TIGAR: variants seen among roughly 807,000 people sequenced by gnomAD.
The protein encoded by TIGAR is TP53 induced glycolysis regulatory phosphatase, also known as fructose-2,6-bisphosphatase TIGAR.
In TIGAR, 7 loss-of-function variants were observed where a neutral mutation model predicts 17.9. That is an observed-to-expected ratio of 0.39 (90% CI 0.22 to 0.73). The LOEUF (loss-of-function observed/expected upper bound fraction) is 0.73, where lower values mean the gene tolerates loss of function less well. Among genes scored for constraint, TIGAR ranks in the 30% least tolerant of loss-of-function variants. The probability of loss-of-function intolerance (pLI) is 0.42; values close to 1 mark genes in which losing one functional copy is unlikely to be tolerated. For missense variants in TIGAR, 258 were observed against 327.4 expected (o/e 0.79, Z 1.64); for synonymous variants, 94 against 108.6 (o/e 0.87, Z 0.84).
At chr12:4,327,268 G>C (rs1864555122) in intron 1 of TIGAR, among the ~76,000 whole-genome samples, 1 of 152,108 alleles carries the variant, frequency 6.6e-6, no homozygotes, top group African/African-American at 2.4e-5. Flanking sequence ...AATTAGCTGA[G>C]CGTGGTGGCG....
At chr12:4,334,022 T>G (rs1728420368) in intron 2 of TIGAR, among the ~76,000 whole-genome samples, 1 of 152,194 alleles carries the variant, frequency 6.6e-6, no homozygotes, top group South Asian at 2.1e-4. Flanking sequence ...TTTTTTAATC[T>G]TACCTGCTTT....
intron 1 of TIGAR, among the ~76,000 whole-genome samples, chr12:4,329,391 T>G (rs1346509896): frequency 7.5e-6 from 1 of 134,000 alleles, no homozygotes; most frequent in Non-Finnish European, 1.5e-5. Context: ...CATACTGGAG[T>G]GCAGTGGTGT....
At chr12:4,342,916 G>A (rs1031599621) in intron 3 of TIGAR, among the ~76,000 whole-genome samples, 1 of 152,230 alleles carries the variant, frequency 6.6e-6, no homozygotes, top group East Asian at 1.9e-4. Context: ...TGGGCTAAAT[G>A]TTCCAATTAA....
At chr12:4,334,382 C>G (rs1268098674) in intron 2 of TIGAR, among the ~76,000 whole-genome samples, 1 of 152,188 alleles carries the variant, frequency 6.6e-6, no homozygotes, top group African/African-American at 2.4e-5. Context: ...GGGCTCCACC[C>G]TAGGATCTAA....
rs377039834 is a variant in TIGAR at position 4,336,683 on chromosome 12, G to A, written c.71-356G>A. Among the ~76,000 whole-genome samples, 54 of 152,164 alleles carry A rather than the reference G, an allele frequency of 3.5e-4. No individual in the cohort carries two copies. In the South Asian group the frequency reaches 4.1e-3, roughly 12 times the overall value. On this transcript the variant is annotated intron_variant, in intron 2 of 5. Transcript: ENST00000179259. ...CATTTGGATGATGGGAATAAAGAAG[G>A]AAAAAACTTTTAGATGATGGTCCTA... is the stretch of plus-strand genomic sequence containing the variant.
intron 3 of TIGAR, among the ~76,000 whole-genome samples, chr12:4,343,931 G>C (rs1341483827): frequency 6.6e-6 from 1 of 152,136 alleles, no homozygotes; most frequent in Non-Finnish European, 1.5e-5. Context: ...AAAAATCAAT[G>C]AATCCAGGAG....
At chr12:4,335,763 A>G (rs1214772361) in intron 2 of TIGAR, 1 of 152,252 alleles carries the variant, frequency 6.6e-6, no homozygotes, top group Non-Finnish European at 1.5e-5. Context: ...GAACTCTAAT[A>G]TATCTGAGCT....
chr12:4,328,690 C>T (rs1864572398), intron 1 of TIGAR, among the ~76,000 whole-genome samples: 1 of 151,752 alleles, frequency 6.6e-6, no homozygotes, highest in Admixed American at 6.6e-5. Flanking sequence ...GATTCTTCTG[C>T]CTCAGCCTCC....
chr12:4,338,116 A>T (rs1198582450), intron 3 of TIGAR, among the ~76,000 whole-genome samples: 1 of 148,294 alleles, frequency 6.7e-6, no homozygotes, highest in African/African-American at 2.5e-5. Flanking sequence ...ACAGAGCAAG[A>T]CTCTTGTCTC....
At chr12:4,340,228 A>G (rs1416469685) in intron 3 of TIGAR, among the ~76,000 whole-genome samples, 1 of 152,264 alleles carries the variant, frequency 6.6e-6, no homozygotes, top group Non-Finnish European at 1.5e-5. Flanking sequence ...GATGCAAAGC[A>G]AGATACAAAA....
At chr12:4,348,929 C>G (rs1228056449) in intron 3 of TIGAR, among the ~76,000 whole-genome samples, 7 of 152,104 alleles carry the variant, frequency 4.6e-5, no homozygotes, top group Non-Finnish European at 8.8e-5. Flanking sequence ...TTTAAAATAA[C>G]TATATTTTTG....
intron 1 of TIGAR, chr12:4,324,389 AG>A: frequency 2.6e-6 from 3 of 1,160,446 alleles, no homozygotes; most frequent in Non-Finnish European, 3.9e-6. Flanking sequence ...AGGGGGATGA[AG>A]CGGGAGGAGT....
rs1291992339 is a variant in TIGAR, at chr12:4,359,106, T to C, written c.*6415T>C. Among the ~76,000 whole-genome samples the C allele has an allele frequency of 4.3e-4, 3 of 6,990 alleles. No homozygotes were observed. The highest frequency in any genetic ancestry group is 2.0e-3 in the Admixed American group (1 of 508). 4.6% of individuals were successfully genotyped at this position (6,990 alleles called of 152,430 possible). The stretch of plus-strand genomic sequence containing the variant: ...GCCTTTATTGTTTATTTTCTGACTC[T>C]GTTTTTTTTTTCTTTAGCCAACTCA... On this transcript the variant is annotated 3_prime_UTR_variant, in exon 6 of 6. Transcript: ENST00000179259.
chr12:4,345,715 T>C (rs1235528939), intron 3 of TIGAR, among the ~76,000 whole-genome samples: 3 of 152,174 alleles, frequency 2.0e-5, no homozygotes, highest in Non-Finnish European at 4.4e-5. Context: ...ACTTCATGAC[T>C]AAAACACCAA....
intron 1 of TIGAR, chr12:4,324,686 G>A: frequency 1.0e-6 from 1 of 972,010 alleles, no homozygotes; most frequent in Non-Finnish European, 1.6e-6. Flanking sequence ...ACTTGCGGCC[G>A]CTGGCACGCA....
chr12:4,323,310 T>C (rs1163707091), intron 1 of TIGAR, among the ~76,000 whole-genome samples: 1 of 152,106 alleles, frequency 6.6e-6, no homozygotes, highest in Admixed American at 6.6e-5. Flanking sequence ...AGTTGTAGAA[T>C]ATTTGGGGTA....
At chr12:4,343,505 C>G (rs1287432355) in intron 3 of TIGAR, among the ~76,000 whole-genome samples, 5 of 152,080 alleles carry the variant, frequency 3.3e-5, no homozygotes, top group African/African-American at 1.2e-4. Flanking sequence ...TCAGCAAATG[C>G]AAAAGAACAG....
chr12:4,330,341 A>G (rs76305436), intron 1 of TIGAR, among the ~76,000 whole-genome samples: 144 of 152,330 alleles, frequency 9.5e-4, no homozygotes, highest in Non-Finnish European at 1.2e-3. Flanking sequence ...ACCTTCCATC[A>G]CTGAATCTTG....
intron 3 of TIGAR, among the ~76,000 whole-genome samples, chr12:4,349,491 C>G (rs1864814276): frequency 6.6e-6 from 1 of 151,718 alleles, no homozygotes; most frequent in African/African-American, 2.4e-5. Flanking sequence ...AATCTCAGCT[C>G]ACTGCAACCT....
Sources: allele counts gnomAD v4.1 joint callset (sites outside exome capture counted in the v4.1 genomes callset), GRCh38; gene constraint gnomAD v4.1.1; transcripts MANE v1.5; gene names NCBI Gene and HGNC (gene_info 2026-07-23, HGNC 2026-07-21).